Variants in ANK2 observed in about 807,000 individuals in gnomAD.
The protein encoded by ANK2 is ankyrin-2.
ANK2 carries 83 observed loss-of-function variants against 360.5 expected under a neutral mutation model. The ratio of observed to expected loss-of-function variants is 0.23; its 90% CI spans 0.19 to 0.28. ANK2 has a LOEUF of 0.28. ANK2 is among the 10% of genes least tolerant of loss of function. ANK2 has a pLI of 1.00. For synonymous variants in ANK2, 1,740 were observed against 1,759.5 expected (o/e 0.99, Z 0.28); for missense variants, 4,201 against 4,795.7 (o/e 0.88, Z 3.66).
the ANK2 span, among the ~76,000 whole-genome samples, chr4:112,781,632 AC>A: frequency 6.6e-6 from 1 of 152,078 alleles, no homozygotes; most frequent in African/African-American, 2.4e-5. Flanking sequence ...CATAAAAAAC[AC>A]ACAGACTCTA....
chr4:112,911,233 C>T (rs1384561796), intron 2 of ANK2, among the ~76,000 whole-genome samples: 7 of 118,788 alleles, frequency 5.9e-5, no homozygotes, highest in East Asian at 3.0e-4. Context: ...CTCGGCTGGG[C>T]GCAGTGGCTC....
intron 2 of ANK2, among the ~76,000 whole-genome samples, chr4:112,943,746 G>A (rs369896837): frequency 1.3e-5 from 2 of 152,068 alleles, no homozygotes; most frequent in Non-Finnish European, 2.9e-5. Context: ...GTAAAATCGA[G>A]CCTACATTGT....
At chr4:113,332,877 T>C (rs1228922351) in intron 28 of ANK2, 177 bp from the exon 29 acceptor site, 2 of 774,054 alleles carry the variant, frequency 2.6e-6, no homozygotes, top group Non-Finnish European at 4.3e-6. Context: ...TTGGTGCCCC[T>C]GAGGTGGAGT....
At position 113,341,673 on chromosome 4, in the gene ANK2, T is replaced by C. The variant is rs761835615; in HGVS notation, c.3894-15T>C. The C allele has an allele frequency of 2.5e-6, 4 of 1,613,060 alleles. No individual in the cohort carries two copies. Among genetic ancestry groups the C allele is most frequent in the Non-Finnish European group, 3.4e-6 (4 of 1,179,228 alleles). ...ACTTTGAACTTTAGATAACTGACTTTATTTATTTTAATAGGTTCTGGCTGA... is the reference window on the plus strand; with the variant it reads ...ACTTTGAACTTTAGATAACTGACTTCATTTATTTTAATAGGTTCTGGCTGA... On this transcript the variant is annotated splice_polypyrimidine_tract_variant and intron_variant, in intron 32 of 45. Transcript: ENST00000357077.
chr4:112,728,578 C>G, the ANK2 span, among the ~76,000 whole-genome samples: 1 of 151,904 alleles, frequency 6.6e-6, no homozygotes, highest in Admixed American at 6.6e-5. Context: ...TGGCAAAACC[C>G]TGTCTCTACT....
chr4:112,744,705 A>C, the ANK2 span, among the ~76,000 whole-genome samples: 1 of 152,224 alleles, frequency 6.6e-6, no homozygotes, highest in Non-Finnish European at 1.5e-5. Flanking sequence ...CTTGAATTTT[A>C]GTATATGTTG....
At chr4:113,360,346 C>T (rs929217113) in intron 38 of ANK2, among the ~76,000 whole-genome samples, 1 of 152,154 alleles carries the variant, frequency 6.6e-6, no homozygotes, top group Non-Finnish European at 1.5e-5. Flanking sequence ...ATGGCCTGAT[C>T]AGCTCATGAT....
At position 113,311,415 on chromosome 4, in the gene ANK2, T is replaced by TATA. The variant is rs1459552902; in HGVS notation, c.2693+19_2693+21dup. ...GATCTGACAGGTATCTCATAAAACT[T>TATA]ATAATTGATGTCAGCCAGAAGTATG... On this transcript the variant is annotated intron_variant, in intron 24 of 45. Coordinates refer to ENST00000357077, the MANE Select transcript of ANK2 (RefSeq NM_001148.6). The TATA allele has an allele frequency of 1.2e-6, 2 of 1,613,924 alleles. No individual in the cohort carries two copies. Among genetic ancestry groups the TATA allele is most frequent in the African/African-American group, 2.7e-5 (2 of 75,040 alleles).
intron 1 of ANK2, chr4:113,141,394 C>T (rs1035767539): frequency 1.3e-5 from 2 of 152,152 alleles, no homozygotes; most frequent in Non-Finnish European, 2.9e-5. Context: ...TAGGTGATCA[C>T]CTTCAACTAT....
intron 1 of ANK2, among the ~76,000 whole-genome samples, chr4:113,092,373 A>G (rs2088772348): frequency 6.6e-6 from 1 of 152,220 alleles, no homozygotes; most frequent in Non-Finnish European, 1.5e-5. Context: ...TTGGTGTAGA[A>G]GTCCTTGTTA....
At chr4:112,822,936 A>G (rs879897446) in intron 1 of ANK2, among the ~76,000 whole-genome samples, 21 of 152,144 alleles carry the variant, frequency 1.4e-4, no homozygotes, top group Admixed American at 7.9e-4. Flanking sequence ...GCTTATGAGT[A>G]TAATGAGATT....
the ANK2 span, among the ~76,000 whole-genome samples, chr4:112,726,623 G>A: frequency 8.6e-5 from 13 of 151,858 alleles, no homozygotes; most frequent in Admixed American, 6.6e-4. Flanking sequence ...AGGCCGAGGC[G>A]GGCAGATCAC....
At chr4:113,027,859 A>G (rs2059606345) in intron 2 of ANK2, among the ~76,000 whole-genome samples, 1 of 152,158 alleles carries the variant, frequency 6.6e-6, no homozygotes, top group African/African-American at 2.4e-5. Flanking sequence ...GTGATTTTGG[A>G]TGAAATGATT....
intron 2 of ANK2, among the ~76,000 whole-genome samples, chr4:113,024,750 G>A (rs886379993): frequency 3.3e-5 from 5 of 152,112 alleles, no homozygotes. Context: ...ATGAATTATT[G>A]TTTGACGCTA....
At chr4:112,712,743 T>C in the ANK2 span, among the ~76,000 whole-genome samples, 1 of 152,176 alleles carries the variant, frequency 6.6e-6, no homozygotes, top group South Asian at 2.1e-4. Flanking sequence ...TTATAAAAAG[T>C]ATTTGAGTTA....
chr4:113,174,507 C>T lies in ANK2; in HGVS notation c.176C>T (p.Thr59Ile), dbSNP rs786205718. 1.2e-6 allele frequency: 2 copies of T among 1,610,452 alleles called. No individual in the cohort carries two copies. Among genetic ancestry groups the T allele is most frequent in the Non-Finnish European group, 1.7e-6 (2 of 1,177,426 alleles). Residue 59 changes from threonine to isoleucine, a missense_variant, in exon 2 of 46, where the codon ACC becomes ATC. Transcript: ENST00000357077. Reference protein sequence around the residue: ...EYLKGGIDINTCNQNGLNALH... With the variant: ...EYLKGGIDINICNQNGLNALH... ...CTGAAGGGGGGCATAGACATCAATA[C>T]CTGCAATCAGGTAAGAACATGGCAG...
intron 2 of ANK2, among the ~76,000 whole-genome samples, chr4:112,959,181 TAGTGGC>T (rs1469394820): frequency 6.6e-6 from 1 of 152,110 alleles, no homozygotes; most frequent in African/African-American, 2.4e-5. Context: ...TTATATTGGG[TAGTGGC>T]ATAAAGTCTG....
At chr4:113,249,183 A>C (rs1209418304) in intron 9 of ANK2, among the ~76,000 whole-genome samples, 5 of 152,232 alleles carry the variant, frequency 3.3e-5, no homozygotes, top group Non-Finnish European at 7.3e-5. Context: ...AAATGTTGAA[A>C]TATATGTGTG....
chr4:113,352,611 A>G (rs767487141), intron 37 of ANK2, among the ~76,000 whole-genome samples: 2 of 151,746 alleles, frequency 1.3e-5, no homozygotes, highest in Non-Finnish European at 2.9e-5. Context: ...TGCAATTTCT[A>G]ATGCTTTTTT....
Sources: allele counts gnomAD v4.1 joint callset (sites outside exome capture counted in the v4.1 genomes callset), GRCh38; gene constraint gnomAD v4.1.1; transcripts MANE v1.5; gene names NCBI Gene and HGNC (gene_info 2026-07-23, HGNC 2026-07-21).